GFRA2: variants seen among roughly 807,000 people sequenced by gnomAD.
The protein encoded by GFRA2 is GDNF family receptor alpha 2.
GFRA2 carries 17 observed loss-of-function variants against 48.3 expected under a neutral mutation model. The ratio of observed to expected loss-of-function variants is 0.35; its 90% CI spans 0.24 to 0.53. GFRA2 has a LOEUF of 0.53. GFRA2 is among the 20% of genes least tolerant of loss of function. The probability of loss-of-function intolerance (pLI) is 0.93; values close to 1 mark genes in which losing one functional copy is unlikely to be tolerated. For synonymous variants in GFRA2, 305 were observed against 257.2 expected, an observed-to-expected ratio of 1.19 and a Z score of -1.78; for missense variants, 660 against 637.3, an observed-to-expected ratio of 1.04 and a Z score of -0.38.
intron 3 of GFRA2, among the ~76,000 whole-genome samples, chr8:21,772,862 G>A (rs1806504334): frequency 6.6e-6 from 1 of 152,196 alleles, no homozygotes; most frequent in Non-Finnish European, 1.5e-5. Flanking sequence ...AAGGGGCTTG[G>A]GCTAAGGCGA....
intron 4 of GFRA2, among the ~76,000 whole-genome samples, chr8:21,727,372 A>G (rs548967766): frequency 6.6e-6 from 1 of 152,106 alleles, no homozygotes; most frequent in African/African-American, 2.4e-5. Context: ...GTGTAAGAAC[A>G]GAGGATTGGG....
chr8:21,788,429 T>C lies in GFRA2; in HGVS notation c.-270A>G. ...ATATACGCGTATCTGTGTATCGGCT[T>C]TCTAAGCCAACAGCCCAGTCCTGGG... On this transcript the variant is annotated 5_prime_UTR_variant, in exon 1 of 9. Coordinates refer to ENST00000524240, the MANE Select transcript of GFRA2 (RefSeq NM_001495.5). The C allele has an allele frequency of 8.1e-7, 1 of 1,237,582 alleles. No individual in the cohort carries two copies. 76.7% of individuals were successfully genotyped at this position (1,237,582 alleles called of 1,614,324 possible). A position where few individuals can be genotyped will look rare whatever the true frequency, so the allele number is the denominator to read the frequency against.
chr8:21,773,383 A>G (rs1806530688), intron 3 of GFRA2, among the ~76,000 whole-genome samples: 1 of 152,158 alleles, frequency 6.6e-6, no homozygotes, highest in African/African-American at 2.4e-5. Context: ...GCCAGTGCCC[A>G]AGGCCACACC....
intron 4 of GFRA2, among the ~76,000 whole-genome samples, chr8:21,716,566 C>G (rs1432229175): frequency 6.6e-6 from 1 of 152,098 alleles, no homozygotes; most frequent in Non-Finnish European, 1.5e-5. Flanking sequence ...AGATGCTGCC[C>G]ACTGACACTC....
At chr8:21,757,683 A>G (rs1389598647) in intron 3 of GFRA2, among the ~76,000 whole-genome samples, 1 of 151,964 alleles carries the variant, frequency 6.6e-6, no homozygotes, top group East Asian at 1.9e-4. Flanking sequence ...TATTTTTTTT[A>G]GTAGAGACGG....
chr8:21,701,101 T>C (rs2117347519), intron 7 of GFRA2, among the ~76,000 whole-genome samples: 1 of 152,294 alleles, frequency 6.6e-6, no homozygotes, highest in African/African-American at 2.4e-5. Context: ...CAGGTGCTCA[T>C]TAAAAACATT....
intron 2 of GFRA2, among the ~76,000 whole-genome samples, chr8:21,781,839 G>A (rs6983565): frequency 1.3e-5 from 2 of 152,318 alleles, no homozygotes; most frequent in African/African-American, 4.8e-5. Flanking sequence ...CAGGTCTGGA[G>A]GGGGAGGGGA....
chr8:21,756,662 T>C (rs1381382206), intron 3 of GFRA2, among the ~76,000 whole-genome samples: 2 of 152,126 alleles, frequency 1.3e-5, no homozygotes, highest in African/African-American at 2.4e-5. Flanking sequence ...GGATTCTAAA[T>C]ACAAACCTCA....
intron 3 of GFRA2, among the ~76,000 whole-genome samples, chr8:21,767,615 C>T (rs1003657858): frequency 3.3e-5 from 5 of 152,356 alleles, no homozygotes; most frequent in South Asian, 2.1e-4. Flanking sequence ...CAGGGGCGTC[C>T]GGCCAAGAGC....
intron 4 of GFRA2, among the ~76,000 whole-genome samples, chr8:21,710,551 T>C (rs1246895473): frequency 2.0e-5 from 3 of 152,092 alleles, no homozygotes; most frequent in Non-Finnish European, 4.4e-5. Context: ...TCCTTCTCCA[T>C]GCCATGCTGG....
intron 3 of GFRA2, among the ~76,000 whole-genome samples, chr8:21,755,271 C>G (rs1805512607): frequency 6.6e-6 from 1 of 151,966 alleles, no homozygotes; most frequent in African/African-American, 2.4e-5. Context: ...ATGCATCCCT[C>G]TATAGAGGGA....
At chr8:21,785,160 A>G (rs1447076178) in intron 1 of GFRA2, among the ~76,000 whole-genome samples, 3 of 152,322 alleles carry the variant, frequency 2.0e-5, no homozygotes, top group East Asian at 3.9e-4. Context: ...AAAGGTCAGA[A>G]GATTAGCCCA....
intron 3 of GFRA2, among the ~76,000 whole-genome samples, chr8:21,760,098 G>C (rs994235148): frequency 2.6e-5 from 4 of 152,168 alleles, no homozygotes; most frequent in African/African-American, 9.7e-5. Flanking sequence ...TAATCAAAAG[G>C]AAGGGTAAGG....
At chr8:21,745,246 A>C (rs1441978351) in intron 4 of GFRA2, among the ~76,000 whole-genome samples, 4 of 152,164 alleles carry the variant, frequency 2.6e-5, no homozygotes, top group Non-Finnish European at 5.9e-5. Flanking sequence ...AGCTTCCCCC[A>C]AGAATCCTCC....
chr8:21,798,224 A>C (rs1807712385), intron 2 of GFRA2, among the ~76,000 whole-genome samples: 1 of 152,236 alleles, frequency 6.6e-6, no homozygotes, highest in Non-Finnish European at 1.5e-5. Context: ...TTATGGAAAG[A>C]GGCTTGGACA....
At chr8:21,802,696 G>A (rs1807792272) in intron 2 of GFRA2, among the ~76,000 whole-genome samples, 1 of 152,184 alleles carries the variant, frequency 6.6e-6, no homozygotes, top group Admixed American at 6.5e-5. Flanking sequence ...ATACAGCCTA[G>A]TAGGGGGAGG....
chr8:21,709,327 A>T (rs1802901558), intron 4 of GFRA2, among the ~76,000 whole-genome samples: 1 of 152,250 alleles, frequency 6.6e-6, no homozygotes, highest in Admixed American at 6.5e-5. Flanking sequence ...GGACCAGGCA[A>T]CTGAAAGATT....
intron 7 of GFRA2, 117 bp from the exon 8 acceptor site, chr8:21,694,634 C>A (rs766846840): frequency 1.7e-5 from 15 of 898,842 alleles, no homozygotes; most frequent in Admixed American, 4.1e-5. Context: ...GCACAGCCAG[C>A]GCACACGGTG....
chr8:21,729,017 C>T (rs1339678360), intron 4 of GFRA2, among the ~76,000 whole-genome samples: 1 of 152,222 alleles, frequency 6.6e-6, no homozygotes, highest in Non-Finnish European at 1.5e-5. Flanking sequence ...GTGTCCACCA[C>T]ATGGGGCAGT....
Sources: allele counts gnomAD v4.1 joint callset (sites outside exome capture counted in the v4.1 genomes callset), GRCh38; gene constraint gnomAD v4.1.1; transcripts MANE v1.5; gene names NCBI Gene and HGNC (gene_info 2026-07-23, HGNC 2026-07-21).